HEATR9: variants seen among roughly 807,000 people sequenced by gnomAD.
The protein encoded by HEATR9 is protein HEATR9.
A neutral mutation model predicts 68.2 loss-of-function variants in HEATR9; 54 were observed. The ratio of observed to expected loss-of-function variants is 0.79; its 90% confidence interval spans 0.64 to 0.99. HEATR9 has a LOEUF of 0.99. HEATR9 is among the 50% of genes least tolerant of loss of function. The pLI is 0.00. For synonymous variants in HEATR9, 241 were observed against 253.5 expected (o/e 0.95, Z 0.47); for missense variants, 662 against 679.7 (o/e 0.97, Z 0.29).
Position 35,864,278 on chromosome 17 carries a change from C to T in HEATR9, c.535G>A (p.Asp179Asn), listed in dbSNP as rs775553290. The T allele has an allele frequency of 6.2e-7, 1 of 1,613,250 alleles. No homozygotes were observed. The highest frequency in any genetic ancestry group is 2.2e-5 in the East Asian group (1 of 44,880). The change falls in exon 6 of 15, where the codon GAC (aspartate) becomes AAC (asparagine). Residue 179 changes from aspartate to asparagine, a missense_variant. Physicochemically the swap from Asp to Asn is conservative, Grantham distance 23. Transcript: ENST00000604834. ...TGTAGTGCCTCCATGACAAACTTGT[C>T]ACTGATGCGTAAGCATCCCAGAGCC... ...AQALGCLRIS[D>N]KFVMEALQQV...
At chr17:35,866,159 A>G (rs2088191899) in intron 2 of HEATR9, among the ~76,000 whole-genome samples, 1 of 152,084 alleles carries the variant, frequency 6.6e-6, no homozygotes, top group African/African-American at 2.4e-5. Context: ...AGAGATCATA[A>G]TAAGGGTTCT....
In HEATR9 at chr17:35,863,021, A is replaced by T; in HGVS notation, c.730T>A (p.Ser244Thr). 6.2e-7 allele frequency: 1 copy of T among 1,614,138 alleles called. No individual in the cohort carries two copies. The highest frequency in any genetic ancestry group is 8.5e-7 in the Non-Finnish European group (1 of 1,180,032). The change falls in exon 8 of 15, where the codon TCC (serine) becomes ACC (threonine). Residue 244 changes from serine (S) to threonine (T), a missense_variant. Ser to Thr is a moderately conservative substitution (Grantham distance 58). Transcript: ENST00000604834. ...TLTGLRMALN[S>T]WAAVSKDKRT... ...TTGTCTTTAGAGACAGCAGCCCAGG[A>T]GTTAAGAGCCATTCGTAGCCCCGTC...
chr17:35,862,886 C>T (rs1487602191), intron 8 of HEATR9, 109 bp downstream of exon 8: 2 of 1,477,600 alleles, frequency 1.4e-6, no homozygotes, highest in South Asian at 1.2e-5. Flanking sequence ...CAGTGTCTTC[C>T]TCTATCAAAG....
rs776576688 is a variant in HEATR9, at chr17:35,864,529, G to C, written c.478C>G (p.Pro160Ala). ...LRELTKSLES[P>A]REDEQFYAAQ... ...GCATAGAACTGCTCATCCTCTCTGGGAGATTCCAGGCTTTTTGTGAGTTCC... is the reference window on the plus strand; with the variant it reads ...GCATAGAACTGCTCATCCTCTCTGGCAGATTCCAGGCTTTTTGTGAGTTCC... Residue 160 changes from proline (P) to alanine (A), a missense_variant, in exon 5 of 15, where the codon CCC becomes GCC. Transcript: ENST00000604834. 5 of 1,614,074 alleles carry C rather than the reference G, an allele frequency of 3.1e-6. No individual in the cohort carries two copies. Among genetic ancestry groups the C allele is most frequent in the Non-Finnish European group, 4.2e-6 (5 of 1,179,968 alleles).
At chr17:35,865,476 G>A (rs2088169433) in intron 2 of HEATR9, 80 bp from the exon 3 acceptor site, 1 of 1,027,936 alleles carries the variant, frequency 9.7e-7, no homozygotes, top group Non-Finnish European at 1.4e-6. Flanking sequence ...AGGGGGTAAA[G>A]GGAGGGAAGG....
intron 1 of HEATR9, among the ~76,000 whole-genome samples, chr17:35,867,133 G>T (rs1319852800): frequency 6.6e-6 from 1 of 151,580 alleles, no homozygotes; most frequent in Non-Finnish European, 1.5e-5. Context: ...GGTGGTGGGT[G>T]CCTGTAGTCC....
chr17:35,865,461 G>A (rs1001550819), intron 2 of HEATR9, 65 bp from the exon 3 acceptor site: 7 of 1,261,900 alleles, frequency 5.5e-6, no homozygotes, highest in Non-Finnish European at 6.8e-6. Context: ...GAGGGTATGG[G>A]GAGGAGGGGG....
chr17:35,866,072 C>T (rs1469497971), intron 2 of HEATR9, among the ~76,000 whole-genome samples: 13 of 152,140 alleles, frequency 8.5e-5, no homozygotes, highest in Non-Finnish European at 1.8e-4. Flanking sequence ...TCTTCTTAAG[C>T]CTTTCTTTCA....
At position 35,863,128 on chromosome 17, in the gene HEATR9, G is replaced by A. The variant is rs751926595; in HGVS notation, c.626-3C>T. 2.5e-6 allele frequency: 4 copies of A among 1,613,852 alleles called. No homozygotes were observed. The Admixed American group carries it at 6.7e-5, about 27-fold the overall frequency. Reference sequence around the variant, plus strand: ...GATCACATGCTTATTCAGGCAACCTGGACAGGGAGGGGCCTCAAGTCAGGG... The same window carrying A: ...GATCACATGCTTATTCAGGCAACCTAGACAGGGAGGGGCCTCAAGTCAGGG... On this transcript the variant is annotated splice_polypyrimidine_tract_variant and splice_region_variant and intron_variant, in intron 7 of 14. Coordinates refer to ENST00000604834, the MANE Select transcript of HEATR9 (RefSeq NM_152781.4).
chr17:35,867,531 T>C (rs2088250886), intron 1 of HEATR9, among the ~76,000 whole-genome samples: 1 of 150,332 alleles, frequency 6.7e-6, no homozygotes, highest in Non-Finnish European at 1.5e-5. Context: ...TAGTGACTAC[T>C]AGTACCAGAT....
intron 2 of HEATR9, 34 bp downstream of exon 2, chr17:35,866,690 C>T (rs781167864): frequency 1.9e-6 from 3 of 1,600,228 alleles, no homozygotes; most frequent in Non-Finnish European, 2.6e-6. Flanking sequence ...AACTTTGATA[C>T]AGCTCCCAGG....
chr17:35,858,257 C>A lies in HEATR9; in HGVS notation c.1095G>T (p.Gly365=). Residue 365 remains glycine (G), a synonymous_variant, in exon 11 of 15, where the codon GGG becomes GGT. Coordinates refer to ENST00000604834, the MANE Select transcript of HEATR9 (RefSeq NM_152781.4). ...GCAGGTTAAATGTGAGTTCCTCTAG[C>A]CCCTGTGCCTGGATCTGTTCCAGCC... ...TIGLEQIQAQ[G]LEELTFNLLR... 2 of 1,614,100 alleles carry A rather than the reference C, an allele frequency of 1.2e-6. No individual in the cohort carries two copies. Among genetic ancestry groups the A allele is most frequent in the East Asian group, 4.5e-5 (2 of 44,876 alleles).
At chr17:35,866,482 GC>G (rs2088201688) in intron 2 of HEATR9, among the ~76,000 whole-genome samples, 1 of 152,182 alleles carries the variant, frequency 6.6e-6, no homozygotes, top group South Asian at 2.1e-4. Flanking sequence ...TTTCTGCATA[GC>G]CAAGGCCTCA....
At chr17:35,863,191 T>C (rs1568321728) in intron 7 of HEATR9, 66 bp from the exon 8 acceptor site, 2 of 1,601,406 alleles carry the variant, frequency 1.2e-6, no homozygotes, top group East Asian at 2.2e-5. Flanking sequence ...CAAGGACCCA[T>C]TGAACTCCAC....
intron 8 of HEATR9, among the ~76,000 whole-genome samples, chr17:35,860,612 G>C (rs1004061008): frequency 6.7e-6 from 1 of 148,936 alleles, no homozygotes; most frequent in Non-Finnish European, 1.5e-5. Context: ...GCCTCAGCCT[G>C]CCAAGTAGCT....
In HEATR9 at chr17:35,864,846, A is replaced by T. The variant is rs550102291; in HGVS notation, c.365T>A (p.Leu122His). ...VHQTHIKMFH[L>H]PMSKLTIKSE... ...TTTTATAGTCAGCTTGCTCATTGGG[A>T]GATGGAACATTTTGATGTGGGTTTG... Residue 122 changes from leucine to histidine, a missense_variant, in exon 4 of 15, where the codon CTC (leucine) becomes CAC (histidine). Coordinates refer to ENST00000604834, the MANE Select transcript of HEATR9 (RefSeq NM_152781.4). 3.7e-6 allele frequency: 6 copies of T among 1,614,088 alleles called. No individual in the cohort carries two copies. The highest frequency in any genetic ancestry group is 2.7e-5 in the African/African-American group (2 of 74,992).
chr17:35,866,717 G>T lies in HEATR9; in HGVS notation c.138+7C>A, dbSNP rs779910585. ...GCTCCCAGGGTAGCAAAAGTAAGGG[G>T]TCTTACCTGGTAGCAGGACAAGGGC... On this transcript the variant is annotated splice_region_variant and intron_variant, in intron 2 of 14. Coordinates refer to ENST00000604834, the MANE Select transcript of HEATR9 (RefSeq NM_152781.4). 3.1e-6 allele frequency: 5 copies of T among 1,613,342 alleles called. No individual in the cohort carries two copies. In the Admixed American group the frequency reaches 8.3e-5, roughly 27 times the overall value.
chr17:35,864,342 A>G (rs1172161013), intron 5 of HEATR9, 40 bp from the exon 6 acceptor site: 3 of 1,570,960 alleles, frequency 1.9e-6, no homozygotes, highest in East Asian at 4.5e-5. Flanking sequence ...GGAAACTTGG[A>G]CATCATCCCC....
intron 12 of HEATR9, chr17:35,856,475 G>A: frequency 2.8e-6 from 3 of 1,055,664 alleles, no homozygotes; most frequent in Admixed American, 2.1e-5. Flanking sequence ...TTCTTTTCAT[G>A]TCATAATTTG....
Sources: allele counts gnomAD v4.1 joint callset (sites outside exome capture counted in the v4.1 genomes callset), GRCh38; gene constraint gnomAD v4.1.1; transcripts MANE v1.5; gene names NCBI Gene and HGNC (gene_info 2026-07-23, HGNC 2026-07-21).